Variants in TPRX1 observed in about 807,000 individuals in gnomAD.
TPRX1 encodes the protein tetra-peptide repeat homeobox protein 1.
In TPRX1, 2 loss-of-function variants were observed where a neutral mutation model predicts 8.1. The ratio of observed to expected loss-of-function variants is 0.25; its 90% CI spans 0.10 to 0.78. The LOEUF (loss-of-function observed/expected upper bound fraction) is 0.78. Ranked by LOEUF, TPRX1 falls within the 30% of genes least tolerant of loss-of-function variation. TPRX1 has a pLI of 0.70. For missense variants in TPRX1, 517 were observed against 586.9 expected (o/e 0.88, Z 1.23); for synonymous variants, 257 against 254.1 (o/e 1.01, Z -0.11).
chr19:47,804,637 G>A (rs1473680057), intron 2 of TPRX1, among the ~76,000 whole-genome samples, 86 bp from the exon 1 acceptor site: 1 of 151,282 alleles, frequency 6.6e-6, no homozygotes, highest in Non-Finnish European at 1.5e-5. Context: ...CACCCTGCCG[G>A]GACCCTCCCT....
chr19:47,814,106 G>A (rs1967810164), intron 2 of TPRX1, among the ~76,000 whole-genome samples: 2 of 151,560 alleles, frequency 1.3e-5, no homozygotes, highest in Non-Finnish European at 1.5e-5. Context: ...AGCCAGGCTG[G>A]AGTGCAGTGG....
Position 47,803,487 on chromosome 19 carries a change from G to C in TPRX1, c.321+17C>G, listed in dbSNP as rs575218080. On this transcript the variant is annotated intron_variant, in intron 3 of 3. Coordinates refer to ENST00000535759, the Ensembl canonical transcript of TPRX1. ...TTGGGGTGACTGGGGCGGGCAGGGT[G>C]GGGGTGGGGGTCAGACCTGCAGCTG... The C allele has an allele frequency of 5.5e-5, 77 of 1,409,004 alleles. 2 individuals are homozygous for C. In the African/African-American group the frequency reaches 1.0e-3, roughly 19 times the overall value. The allele number at this position is 1,409,004 out of a possible 1,614,324, so 87.3% of individuals were successfully genotyped here.
intron 2 of TPRX1, among the ~76,000 whole-genome samples, chr19:47,804,935 C>T (rs533429657): frequency 1.3e-5 from 2 of 152,316 alleles, no homozygotes; most frequent in South Asian, 4.2e-4. Context: ...GGGCTGGGGC[C>T]CCGAGTGACC....
At chr19:47,810,257 A>C (rs1967770212) in intron 2 of TPRX1, among the ~76,000 whole-genome samples, 1 of 141,384 alleles carries the variant, frequency 7.1e-6, no homozygotes, top group African/African-American at 2.9e-5. Context: ...TCCATCTCAA[A>C]AAAAAAAAAA....
chr19:47,809,905 C>G (rs1343073482), intron 2 of TPRX1, among the ~76,000 whole-genome samples: 4 of 151,772 alleles, frequency 2.6e-5, no homozygotes, highest in Admixed American at 2.6e-4. Context: ...AAGCCTGGGG[C>G]AAGAGTGATG....
Position 47,815,915 on chromosome 19 carries a change from A to G in TPRX1, c.151+2553T>C, listed in dbSNP as rs1364187531. ...TGAGCCTTCGGTTACTTTAAATTTC[A>G]AGAGCTGGAGAGGACCCTGGAGTGT... On this transcript the variant is annotated intron_variant, in intron 2 of 3. Transcript: ENST00000535759. 3.3e-5 allele frequency among the ~76,000 whole-genome samples: 5 copies of G among 152,254 alleles called. No individual in the cohort carries two copies. The East Asian group carries it at 7.7e-4, about 24-fold the overall frequency.
intron 2 of TPRX1, among the ~76,000 whole-genome samples, chr19:47,811,521 C>A (rs925265521): frequency 6.9e-5 from 9 of 131,034 alleles, no homozygotes; most frequent in Non-Finnish European, 1.3e-4. Flanking sequence ...TTTTTTGAGA[C>A]AGCGTCTCAC....
intron 2 of TPRX1, among the ~76,000 whole-genome samples, chr19:47,818,265 AT>A (rs1967863946): frequency 1.5e-5 from 2 of 134,974 alleles, no homozygotes; most frequent in Admixed American, 7.0e-5. Flanking sequence ...CCATCCATCC[AT>A]CCATCCATCC....
chr19:47,804,396 G>C (rs1354214641), intron 2 of TPRX1, among the ~76,000 whole-genome samples, 119 bp downstream of exon 1: 1 of 152,046 alleles, frequency 6.6e-6, no homozygotes, highest in African/African-American at 2.4e-5. Flanking sequence ...GTTCTCCCCC[G>C]TCTGCAGGAC....
chr19:47,805,460 C>T (rs1045963309), intron 2 of TPRX1, among the ~76,000 whole-genome samples: 12 of 152,152 alleles, frequency 7.9e-5, no homozygotes, highest in African/African-American at 2.2e-4. Flanking sequence ...CTCAGAGATG[C>T]GTCTTCTCTG....
chr19:47,818,324 T>TCCAC, intron 2 of TPRX1: 1 of 298,916 alleles, frequency 3.3e-6, no homozygotes, highest in Admixed American at 4.0e-5. Flanking sequence ...CATCCATCCA[T>TCCAC]CCATCCATCC....
chr19:47,814,818 A>G (rs1335342004), intron 2 of TPRX1, among the ~76,000 whole-genome samples: 1 of 152,030 alleles, frequency 6.6e-6, no homozygotes, highest in African/African-American at 2.4e-5. Flanking sequence ...GTTTTTTCTG[A>G]GACTGAGTTT....
chr19:47,815,014 G>A (rs1185516860), intron 2 of TPRX1, among the ~76,000 whole-genome samples: 1 of 149,644 alleles, frequency 6.7e-6, no homozygotes, highest in East Asian at 2.0e-4. Flanking sequence ...GGCCAGGCTG[G>A]CCTTGAACTC....
intron 2 of TPRX1, among the ~76,000 whole-genome samples, chr19:47,812,595 C>G (rs1285995428): frequency 6.6e-6 from 1 of 151,894 alleles, no homozygotes; most frequent in African/African-American, 2.4e-5. Flanking sequence ...ATTAGTCGGG[C>G]ATGGTGGTGT....
chr19:47,816,154 C>T (rs6509341), intron 2 of TPRX1, among the ~76,000 whole-genome samples: 60,172 of 151,484 alleles, frequency 0.4, 12,090 homozygotes, highest in Middle Eastern at 0.48. Flanking sequence ...CTGCATCCTC[C>T]GCCTCGCGGG....
At chr19:47,804,395 C>T (rs12972474) in intron 2 of TPRX1, among the ~76,000 whole-genome samples, 120 bp downstream of exon 1, 7,310 of 151,574 alleles carry the variant, frequency 0.048, 189 homozygotes, top group African/African-American at 0.086. Context: ...AGTTCTCCCC[C>T]GTCTGCAGGA....
At chr19:47,816,529 ATTTTTTT>A (rs35029272) in intron 2 of TPRX1, among the ~76,000 whole-genome samples, 2 of 114,674 alleles carry the variant, frequency 1.7e-5, no homozygotes, top group Admixed American at 9.9e-5. Flanking sequence ...ACCCCTGGGA[ATTTTTTT>A]TTTTTTTTTT....
intron 2 of TPRX1, among the ~76,000 whole-genome samples, chr19:47,816,743 A>G (rs967000662): frequency 1.1e-4 from 17 of 151,556 alleles, no homozygotes; most frequent in Non-Finnish European, 1.3e-4. Flanking sequence ...CATGTTAGCC[A>G]GGATGGTCTC....
At chr19:47,802,846 A>C in exon 4 of TPRX1, 1 of 1,600,786 alleles carries the variant, frequency 6.2e-7, no homozygotes, top group South Asian at 1.1e-5. Context: ...GGCCCCGCTG[A>C]GGTGCGGAGG....
Sources: gnomAD v4.1 joint callset for allele counts (sites outside exome capture counted in the v4.1 genomes callset) on GRCh38, gnomAD v4.1.1 for gene constraint, MANE v1.5 for transcripts, NCBI Gene and HGNC (gene_info 2026-07-23, HGNC 2026-07-21) for gene names.